The following RRAS2 variants were observed in gnomAD, a reference collection of about 807,000 sequenced individuals.
RRAS2 encodes RAS related 2, also known as ras-related protein R-Ras2.
In RRAS2, 7 loss-of-function variants were observed where a neutral mutation model predicts 27.6. That is an observed-to-expected ratio of 0.25 (90% confidence interval 0.14 to 0.48). RRAS2 has a LOEUF of 0.48. Among genes scored for constraint, RRAS2 ranks in the 20% least tolerant of loss-of-function variants. The pLI is 0.99. For missense variants in RRAS2, 178 were observed against 256.2 expected (o/e 0.69, Z 2.08); for synonymous variants, 86 against 90.9 (o/e 0.95, Z 0.31).
chr11:14,296,563 GAAGTC>G (rs1847556989), intron 1 of RRAS2, among the ~76,000 whole-genome samples: 1 of 152,194 alleles, frequency 6.6e-6, no homozygotes, highest in Admixed American at 6.5e-5. Flanking sequence ...TCAGTCCTAA[GAAGTC>G]AAGTATCTGG....
rs143764660 is a variant in RRAS2, at chr11:14,297,781, A to T, written c.109-1926T>A. Among the ~76,000 whole-genome samples the T allele has an allele frequency of 6.4e-3, 979 of 152,262 alleles. 8 individuals are homozygous for T. The highest frequency in any genetic ancestry group is 0.022 in the African/African-American group (928 of 41,546). On this transcript the variant is annotated intron_variant, in intron 1 of 5. Transcript: ENST00000256196. ...CCTGTCTCTTAAAAAAATTTTTTTT[A>T]AATTAAAATTAAAATGTTTAACTTT...
chr11:14,357,989 G>A (rs1294750946), intron 1 of RRAS2, among the ~76,000 whole-genome samples: 1 of 152,124 alleles, frequency 6.6e-6, no homozygotes, highest in Non-Finnish European at 1.5e-5. Context: ...AGAGAGGGCT[G>A]GGGGTAGGGG....
chr11:14,351,722 C>T (rs1224161334), intron 1 of RRAS2, among the ~76,000 whole-genome samples: 1 of 145,038 alleles, frequency 6.9e-6, no homozygotes. Context: ...AAAAGTGAAA[C>T]TCCATCTCAA....
exon 1 of RRAS2, chr11:14,364,443 T>G: frequency 6.6e-7 from 1 of 1,521,434 alleles, no homozygotes; most frequent in Non-Finnish European, 8.8e-7. Context: ...GCCATTGCTT[T>G]TAATGTGAAT....
chr11:14,307,861 A>G (rs1203592092), intron 1 of RRAS2, among the ~76,000 whole-genome samples: 1 of 152,300 alleles, frequency 6.6e-6, no homozygotes, highest in East Asian at 1.9e-4. Context: ...TTTTTTTTAA[A>G]TACACAAAGA....
chr11:14,307,342 C>T (rs1847856116), intron 1 of RRAS2, among the ~76,000 whole-genome samples: 1 of 151,388 alleles, frequency 6.6e-6, no homozygotes, highest in African/African-American at 2.4e-5. Context: ...CTAAAATGTA[C>T]GGGGGGAAAT....
intron 1 of RRAS2, among the ~76,000 whole-genome samples, chr11:14,297,329 G>A (rs1325524550): frequency 6.6e-6 from 1 of 152,182 alleles, no homozygotes. Context: ...GGCGACCTAT[G>A]CAAACACCAG....
chr11:14,363,298 C>T (rs1849213465), upstream of RRAS2, among the ~76,000 whole-genome samples: 2 of 152,172 alleles, frequency 1.3e-5, no homozygotes, highest in African/African-American at 2.4e-5. Context: ...ATGTTCTCCA[C>T]GAAGGATGTG....
At chr11:14,344,711 T>G (rs887768222) in intron 1 of RRAS2, among the ~76,000 whole-genome samples, 2 of 152,206 alleles carry the variant, frequency 1.3e-5, no homozygotes, top group African/African-American at 4.8e-5. Flanking sequence ...ACTCTCAGAC[T>G]GTTGTATACT....
At chr11:14,283,114 C>T (rs1425071956) in intron 4 of RRAS2, among the ~76,000 whole-genome samples, 1 of 152,148 alleles carries the variant, frequency 6.6e-6, no homozygotes, top group African/African-American at 2.4e-5. Context: ...TTGCATAAGG[C>T]GTTTATCAGG....
upstream of RRAS2, among the ~76,000 whole-genome samples, chr11:14,364,009 G>T (rs1849222317): frequency 1.3e-5 from 2 of 152,202 alleles, no homozygotes; most frequent in Non-Finnish European, 2.9e-5. Context: ...GGCGGAGGTT[G>T]CAGTGAGCCG....
chr11:14,340,663 T>C (rs1848686296), intron 1 of RRAS2, among the ~76,000 whole-genome samples: 1 of 152,190 alleles, frequency 6.6e-6, no homozygotes, highest in Non-Finnish European at 1.5e-5. Flanking sequence ...AGTTAGACCC[T>C]TAGTTCAGTA....
chr11:14,299,796 G>T (rs1275534658), intron 1 of RRAS2, among the ~76,000 whole-genome samples: 2 of 152,044 alleles, frequency 1.3e-5, no homozygotes, highest in Admixed American at 1.3e-4. Context: ...GAAGGATTGG[G>T]GCATTTTAAG....
intron 1 of RRAS2, among the ~76,000 whole-genome samples, chr11:14,320,419 G>A (rs1029806453): frequency 2.0e-4 from 31 of 152,130 alleles, no homozygotes; most frequent in African/African-American, 6.8e-4. Flanking sequence ...ACTCTGAGAC[G>A]GGAAAGTAAT....
intron 4 of RRAS2, among the ~76,000 whole-genome samples, chr11:14,286,820 A>G (rs1462967760): frequency 6.6e-6 from 1 of 152,234 alleles, no homozygotes; most frequent in Non-Finnish European, 1.5e-5. Flanking sequence ...AAGGCTATGC[A>G]TTTGAAATAT....
At chr11:14,325,249 G>A (rs1298916779) in intron 1 of RRAS2, among the ~76,000 whole-genome samples, 1 of 151,820 alleles carries the variant, frequency 6.6e-6, no homozygotes, top group Admixed American at 6.6e-5. Flanking sequence ...CACAAAATGA[G>A]CTTGCACTAG....
intron 1 of RRAS2, chr11:14,337,176 A>G (rs1292222920): frequency 6.6e-6 from 1 of 152,204 alleles, no homozygotes; most frequent in Non-Finnish European, 1.5e-5. Context: ...TAAATGGAAA[A>G]TTTCAGAAAT....
chr11:14,309,271 C>T (rs1847904070), intron 1 of RRAS2, among the ~76,000 whole-genome samples: 1 of 152,176 alleles, frequency 6.6e-6, no homozygotes, highest in Non-Finnish European at 1.5e-5. Flanking sequence ...GGGGTGATTT[C>T]CACAGCACAT....
Position 14,358,286 on chromosome 11 carries a change from G to A in RRAS2, c.108+477C>T, listed in dbSNP as rs538250200. 97 of 985,476 alleles carry A rather than the reference G, an allele frequency of 9.8e-5. No homozygotes were observed. In the South Asian group the frequency reaches 4.2e-3, roughly 43 times the overall value. The allele number at this position is 985,476 out of a possible 1,614,324, so 61.0% of individuals were successfully genotyped here. A position where few individuals can be genotyped will look rare whatever the true frequency, so the allele number is the denominator to read the frequency against. On this transcript the variant is annotated intron_variant, in intron 1 of 5. Transcript: ENST00000256196. The surrounding 1 kb of genome is among the most constrained non-coding windows in gnomAD (Gnocchi z 5.1). ...AGCGGGCAGCTCCGGCTCAGGCGGC[G>A]CGGGGAAGCCCGGAGACCACGCGGA... is the stretch of plus-strand genomic sequence containing the variant.
Sources: gnomAD v4.1 joint callset for allele counts (sites outside exome capture counted in the v4.1 genomes callset) on GRCh38, gnomAD v4.1.1 for gene constraint, Gnocchi (gnomAD v3.1) non-coding constraint, MANE v1.5 for transcripts, NCBI Gene and HGNC (gene_info 2026-07-23, HGNC 2026-07-21) for gene names.